The following LRIG1 variants were observed in gnomAD, a reference collection of about 807,000 sequenced individuals.
The protein encoded by LRIG1 is leucine-rich repeats and immunoglobulin-like domains protein 1.
LRIG1 carries 48 observed loss-of-function variants against 99.2 expected under a neutral mutation model. The ratio of observed to expected loss-of-function variants is 0.48; its 90% confidence interval spans 0.38 to 0.62. The LOEUF is 0.62. Among genes scored for constraint, LRIG1 ranks in the 20% least tolerant of loss-of-function variants. The pLI, the probability that LRIG1 is intolerant of heterozygous loss-of-function variation, is 0.00. For synonymous variants in LRIG1, 772 were observed against 596.1 expected (o/e 1.29, Z -4.30); for missense variants, 1,646 against 1,434.4 (o/e 1.15, Z -2.38).
Position 66,457,658 on chromosome 3 carries a change from A to C in LRIG1, c.290+4780T>G, listed in dbSNP as rs145667308. ...ACGATGTCAATGTTACAGAAGAAAG[A>C]AAGCAAACGCTGAGGCACTAAGTAA... On this transcript the variant is annotated intron_variant, in intron 2 of 18. Coordinates refer to ENST00000273261, the MANE Select transcript of LRIG1 (RefSeq NM_015541.3). Among the ~76,000 whole-genome samples, 398 of 152,354 alleles carry C rather than the reference A, an allele frequency of 2.6e-3. 2 individuals carry two copies. Among genetic ancestry groups the C allele is most frequent in the African/African-American group, 8.5e-3 (352 of 41,578 alleles).
At chr3:66,450,395 A>C (rs1274703623) in intron 3 of LRIG1, among the ~76,000 whole-genome samples, 1 of 152,206 alleles carries the variant, frequency 6.6e-6, no homozygotes, top group African/African-American at 2.4e-5. Flanking sequence ...TCATGTATAA[A>C]ATGGGTCAAA....
Position 66,380,157 on chromosome 3 carries a change from A to T in LRIG1, c.*106T>A. ...GCGACTGATACTCCACATGGGAGTT[A>T]CAACTATGTACAGATGAGTGACGCT... On this transcript the variant is annotated 3_prime_UTR_variant, in exon 19 of 19. Transcript: ENST00000273261. 2.4e-6 allele frequency: 2 copies of T among 846,654 alleles called. No homozygotes were observed. Among genetic ancestry groups the T allele is most frequent in the Non-Finnish European group, 3.6e-6 (2 of 553,038 alleles). The allele number at this position is 846,654 out of a possible 1,614,324, so 52.4% of individuals were successfully genotyped here.
rs775594223 is a variant in LRIG1, at chr3:66,384,125, C to T, written c.1937G>A (p.Arg646Gln). 3.3e-5 allele frequency: 54 copies of T among 1,614,056 alleles called. No individual in the cohort carries two copies. Among genetic ancestry groups the T allele is most frequent in the Non-Finnish European group, 4.2e-5 (50 of 1,180,038 alleles). Residue 646 changes from arginine (R) to glutamine (Q), a missense_variant, in exon 14 of 19, where the codon CGA becomes CAA. Coordinates refer to ENST00000273261, the MANE Select transcript of LRIG1 (RefSeq NM_015541.3). ...GTCATCCGGCATGACATGCATGCGT[C>T]GCTCACGGGCAGCGGGGAAATCCGT... ...GGTDFPAARERRMHVMPDDDV... is the reference protein window; with the variant it reads ...GGTDFPAAREQRMHVMPDDDV...
intron 9 of LRIG1, among the ~76,000 whole-genome samples, chr3:66,399,700 G>A (rs534540408): frequency 6.6e-5 from 10 of 152,284 alleles, no homozygotes; most frequent in Non-Finnish European, 1.2e-4. Context: ...CCCAGGAGGT[G>A]GAGGCTGCAG....
At chr3:66,496,092 T>C (rs1486436537) in intron 1 of LRIG1, among the ~76,000 whole-genome samples, 2 of 152,248 alleles carry the variant, frequency 1.3e-5, no homozygotes, top group African/African-American at 2.4e-5. Flanking sequence ...TTTCTTCATC[T>C]TTCTGAAGAT....
intron 8 of LRIG1, chr3:66,405,746 T>C: frequency 8.8e-7 from 1 of 1,136,370 alleles, no homozygotes; most frequent in Non-Finnish European, 1.1e-6. Context: ...CGTGGGCGCC[T>C]CCGTACCAGC....
At chr3:66,445,497 C>A (rs1013800741) in intron 3 of LRIG1, among the ~76,000 whole-genome samples, 1 of 152,102 alleles carries the variant, frequency 6.6e-6, no homozygotes, top group African/African-American at 2.4e-5. Context: ...GATGGGGCAA[C>A]CCTTGGTCTT....
In LRIG1 at chr3:66,405,919, A is replaced by G. The variant is rs989406583; in HGVS notation, c.1080-641T>C. 4 of 1,006,646 alleles carry G rather than the reference A, an allele frequency of 4.0e-6. No homozygotes were observed. The African/African-American group carries it at 6.9e-5, about 17-fold the overall frequency. 62.4% of individuals were successfully genotyped at this position (1,006,646 alleles called of 1,614,324 possible). ...AGGCCCCTCCAACAATGCAAATCCC[A>G]TGGCCGATGACTCAATGGCTTCCCA... On this transcript the variant is annotated intron_variant, in intron 8 of 18. Coordinates refer to ENST00000273261, the MANE Select transcript of LRIG1 (RefSeq NM_015541.3).
rs1701259483 is a variant in LRIG1, at chr3:66,384,372, GTTCAC to G, written c.1790-105_1790-101del. 7.0e-6 allele frequency: 9 copies of G among 1,290,392 alleles called. No individual in the cohort carries two copies. The South Asian group carries it at 9.5e-5, about 14-fold the overall frequency. 79.9% of individuals were successfully genotyped at this position (1,290,392 alleles called of 1,614,324 possible). Reference sequence around the variant, plus strand: ...CTACCTGTCACTGTGCCCAGTGCCAGTTCACTTCTTTTCTCCCAATGTCTGCCCAG... The same window carrying G: ...CTACCTGTCACTGTGCCCAGTGCCAGTTCTTTTCTCCCAATGTCTGCCCAG... On this transcript the variant is annotated intron_variant, in intron 13 of 18. Transcript: ENST00000273261.
rs376608404 is a variant in LRIG1 at position 66,407,454 on chromosome 3, C to G, written c.973G>C (p.Glu325Gln). ...AGGCTGCTCAGCTCGGCCAGGCTCTCCTCGTCCAGCCGTGTCAGGTTGTTG... is the reference window on the plus strand; with the variant it reads ...AGGCTGCTCAGCTCGGCCAGGCTCTGCTCGTCCAGCCGTGTCAGGTTGTTG... ...SFNNLTRLDEESLAELSSLSV... is the reference protein window; with the variant it reads ...SFNNLTRLDEQSLAELSSLSV... Residue 325 changes from glutamate to glutamine, a missense_variant, in exon 8 of 19, where the codon GAG becomes CAG. Coordinates refer to ENST00000273261, the MANE Select transcript of LRIG1 (RefSeq NM_015541.3). 8.5e-5 allele frequency: 137 copies of G among 1,613,888 alleles called. No individual in the cohort carries two copies. The highest frequency in any genetic ancestry group is 1.0e-4 in the Non-Finnish European group (119 of 1,180,030).
At chr3:66,443,106 A>G (rs1703598378) in intron 3 of LRIG1, among the ~76,000 whole-genome samples, 2 of 152,138 alleles carry the variant, frequency 1.3e-5, no homozygotes, top group South Asian at 4.1e-4. Context: ...GGCAGTCTGC[A>G]CTACGGAATC....
At chr3:66,479,027 C>A (rs1403351552) in intron 1 of LRIG1, among the ~76,000 whole-genome samples, 1 of 152,164 alleles carries the variant, frequency 6.6e-6, no homozygotes, top group Non-Finnish European at 1.5e-5. Context: ...CAGCCCATCA[C>A]CCTGCAGCCG....
At chr3:66,407,631 ACACC>A (rs1186453551) in intron 7 of LRIG1, 140 bp from the exon 8 acceptor site, 113 of 820,704 alleles carry the variant, frequency 1.4e-4, no homozygotes, top group Middle Eastern at 7.3e-4. Flanking sequence ...GTGCACACAC[ACACC>A]CACACCCACA....
At chr3:66,435,891 G>C (rs6767026) in intron 3 of LRIG1, among the ~76,000 whole-genome samples, 7,491 of 152,060 alleles carry the variant, frequency 0.049, 530 homozygotes, top group African/African-American at 0.16. Context: ...GGAAAGTCTG[G>C]GGGAGTTCCC....
At chr3:66,388,214 C>G (rs940755533) in intron 12 of LRIG1, 1 of 140,870 alleles carries the variant, frequency 7.1e-6, no homozygotes, top group Non-Finnish European at 1.5e-5. Flanking sequence ...CTTAGAAGTA[C>G]AATAACTGAA....
chr3:66,441,874 C>G (rs546252377), intron 3 of LRIG1, among the ~76,000 whole-genome samples: 10 of 152,178 alleles, frequency 6.6e-5, no homozygotes, highest in African/African-American at 2.4e-4. Flanking sequence ...ACGTTGAGCA[C>G]GTTACTTGCC....
chr3:66,494,218 T>C (rs542998667), intron 1 of LRIG1, among the ~76,000 whole-genome samples: 1 of 152,350 alleles, frequency 6.6e-6, no homozygotes, highest in Non-Finnish European at 1.5e-5. Context: ...AGAGCATTTT[T>C]CTGTCTTTTT....
At position 66,493,337 on chromosome 3, in the gene LRIG1, T is replaced by C. The variant is rs146665813; in HGVS notation, c.218+6853A>G. Among the ~76,000 whole-genome samples the C allele has an allele frequency of 7.0e-4, 107 of 152,316 alleles. 2 individuals carry two copies. In the East Asian group the frequency reaches 0.016, roughly 23 times the overall value. ...ACCTGCCTCCCTTCCAAAAGGATAG[T>C]GGTAAACAGACATAACTATTTGTAC... On this transcript the variant is annotated intron_variant, in intron 1 of 18. Coordinates refer to ENST00000273261, the MANE Select transcript of LRIG1 (RefSeq NM_015541.3).
chr3:66,475,221 G>GACTT (rs1700693869), intron 1 of LRIG1, among the ~76,000 whole-genome samples: 1 of 152,180 alleles, frequency 6.6e-6, no homozygotes, highest in Non-Finnish European at 1.5e-5. Context: ...CAAAGTCTCT[G>GACTT]CCTAGCCTGT....
Sources: gnomAD v4.1 joint callset for allele counts (sites outside exome capture counted in the v4.1 genomes callset) on GRCh38, gnomAD v4.1.1 for gene constraint, MANE v1.5 for transcripts, NCBI Gene and HGNC (gene_info 2026-07-23, HGNC 2026-07-21) for gene names.